SCAF4: variants seen among roughly 807,000 people sequenced by gnomAD.
SCAF4 encodes SR-related CTD associated factor 4, also known as SR-related and CTD-associated factor 4.
A neutral mutation model predicts 129.8 loss-of-function variants in SCAF4; 25 were observed. The observed-to-expected ratio is 0.19, with a 90% CI of 0.14 to 0.27. The LOEUF (loss-of-function observed/expected upper bound fraction) is 0.27, where lower values mean the gene tolerates loss of function less well. Ranked by LOEUF, SCAF4 falls within the 10% of genes least tolerant of loss-of-function variation. SCAF4 has a pLI of 1.00. For missense variants in SCAF4, 1,246 were observed against 1,457.1 expected (o/e 0.86, Z 2.36); for synonymous variants, 551 against 497.7 (o/e 1.11, Z -1.43).
chr21:31,682,249 C>A (rs908171529), intron 19 of SCAF4, among the ~76,000 whole-genome samples: 1 of 151,964 alleles, frequency 6.6e-6, no homozygotes, highest in South Asian at 2.1e-4. Context: ...CGTGGTGGCA[C>A]GCGCCTGTAG....
In SCAF4 at chr21:31,717,904, TACACACACACACACACACACAC is replaced by T. The variant is rs35191665; in HGVS notation, c.31-11569_31-11548del. Among the ~76,000 whole-genome samples, 24 of 117,994 alleles carry T rather than the reference TACACACACACACACACACACAC, an allele frequency of 2.0e-4. No individual in the cohort carries two copies. In the East Asian group the frequency reaches 5.3e-3, roughly 26 times the overall value. 77.4% of individuals were successfully genotyped at this position (117,994 alleles called of 152,430 possible). On this transcript the variant is annotated intron_variant, in intron 1 of 19. Transcript: ENST00000286835. ...ATATATACACATATATACACATATA[TACACACACACACACACACACAC>T]ACACACACACACACACACACATATA...
At position 31,695,105 on chromosome 21, in the gene SCAF4, A is replaced by G. The variant is rs1206637467; in HGVS notation, c.1069-125T>C. On this transcript the variant is annotated intron_variant, in intron 9 of 19. Coordinates refer to ENST00000286835, the MANE Select transcript of SCAF4 (RefSeq NM_020706.2). The stretch of plus-strand genomic sequence containing the variant: ...AGGAAAAGTTACAACGACATTCAAC[A>G]TTGTTTAACAATTTCCATATGTACA... The G allele has an allele frequency of 9.5e-6, 7 of 734,858 alleles. No individual in the cohort carries two copies. The East Asian group carries it at 1.4e-4, about 14-fold the overall frequency. 45.5% of individuals were successfully genotyped at this position (734,858 alleles called of 1,614,324 possible).
At chr21:31,718,675 G>A (rs1436924776) in intron 1 of SCAF4, among the ~76,000 whole-genome samples, 1 of 152,194 alleles carries the variant, frequency 6.6e-6, no homozygotes, top group Non-Finnish European at 1.5e-5. Context: ...TTGTTTGAAT[G>A]TAAACATTAC....
At chr21:31,719,422 G>A in intron 1 of SCAF4, among the ~76,000 whole-genome samples, 1 of 151,830 alleles carries the variant, frequency 6.6e-6, no homozygotes. Flanking sequence ...ATTTACTCCG[G>A]GCAGAACTAA....
At chr21:31,693,552 T>C (rs760770942) in intron 11 of SCAF4, 68 bp from the exon 12 acceptor site, 55 of 1,041,352 alleles carry the variant, frequency 5.3e-5, no homozygotes, top group Admixed American at 2.7e-4. Flanking sequence ...AAGCACATAC[T>C]AATTAAAACA....
At chr21:31,674,248 T>A (rs1290233076) in intron 19 of SCAF4, among the ~76,000 whole-genome samples, 1 of 151,590 alleles carries the variant, frequency 6.6e-6, no homozygotes, top group Non-Finnish European at 1.5e-5. Context: ...CAGCATTCAT[T>A]TGAGGGTATA....
chr21:31,704,695 AT>A (rs1229376564), intron 3 of SCAF4, among the ~76,000 whole-genome samples: 15 of 152,222 alleles, frequency 9.9e-5, no homozygotes, highest in Non-Finnish European at 1.8e-4. Context: ...GTACATGTAC[AT>A]AAAAAATAAA....
chr21:31,698,202 T>A (rs1415997706), intron 7 of SCAF4, among the ~76,000 whole-genome samples: 1 of 152,202 alleles, frequency 6.6e-6, no homozygotes, highest in Non-Finnish European at 1.5e-5. Flanking sequence ...AAAAGAAATT[T>A]TAGTTGCTTT....
intron 19 of SCAF4, among the ~76,000 whole-genome samples, chr21:31,683,453 C>G (rs2050042843): frequency 6.6e-6 from 1 of 152,196 alleles, no homozygotes; most frequent in African/African-American, 2.4e-5. Context: ...AAATCACAGG[C>G]AGGCTACTTA....
intron 7 of SCAF4, among the ~76,000 whole-genome samples, chr21:31,698,364 T>C (rs570749048): frequency 6.6e-6 from 1 of 152,296 alleles, no homozygotes; most frequent in South Asian, 2.1e-4. Context: ...CTAGAGGAAT[T>C]AGAATTCACA....
At chr21:31,694,318 A>G in intron 10 of SCAF4, 29 bp from the exon 11 acceptor site, 1 of 1,388,106 alleles carries the variant, frequency 7.2e-7, no homozygotes, top group Non-Finnish European at 1.0e-6. Context: ...TGATAAAATG[A>G]GAAATTTAAA....
Position 31,706,290 on chromosome 21 carries a change from G to T in SCAF4, c.98C>A (p.Ala33Asp). ...TATCATTACCTTAATAGCTTTAATA[G>T]CAGCTTTAGTGATGAGAATCATCTT... ...RAKMILITKAAIKAIKLYKHV... is the reference protein window; with the variant it reads ...RAKMILITKADIKAIKLYKHV... The change falls in exon 2 of 20, where the codon GCT becomes GAT. Residue 33 changes from alanine to aspartate, a missense_variant. Physicochemically the swap from Ala to Asp is moderately radical, Grantham distance 126. This residue lies in a region of SCAF4 where 56 missense variants were observed against 139.4 expected (regional missense o/e 0.40). Coordinates refer to ENST00000286835, the MANE Select transcript of SCAF4 (RefSeq NM_020706.2). 1 of 1,597,870 alleles carries T rather than the reference G, an allele frequency of 6.3e-7. No individual in the cohort carries two copies. Among genetic ancestry groups the T allele is most frequent in the Non-Finnish European group, 8.6e-7 (1 of 1,167,624 alleles).
intron 1 of SCAF4, among the ~76,000 whole-genome samples, chr21:31,716,998 TAACA>T (rs1346472140): frequency 2.6e-5 from 4 of 152,042 alleles, no homozygotes; most frequent in Admixed American, 1.3e-4. Context: ...AATATCTAAT[TAACA>T]AACACAGGAA....
In SCAF4 at chr21:31,703,825, T is replaced by A; in HGVS notation, c.261A>T (p.Arg87Ser). 6.3e-7 allele frequency: 1 copy of A among 1,597,044 alleles called. No homozygotes were observed. Among genetic ancestry groups the A allele is most frequent in the East Asian group, 2.2e-5 (1 of 44,720 alleles). The change falls in exon 4 of 20, where the codon AGA (arginine) becomes AGT (serine). Residue 87 changes from arginine to serine, a missense_variant. Around this residue, in one of 6 missense-constraint regions of SCAF4, gnomAD observed 56 missense variants for 139.4 expected, o/e 0.40. Coordinates refer to ENST00000286835, the MANE Select transcript of SCAF4 (RefSeq NM_020706.2). ...ATGTGGCAGTTATGTTTTTAGAGAA[T>A]CTTGGCCCAAAAACATCTTTATCAG... ...FGTDKDVFGP[R>S]FSKNITATFQ... is the part of the protein sequence containing the mutation.
At chr21:31,694,518 G>C (rs1236019812) in intron 10 of SCAF4, among the ~76,000 whole-genome samples, 1 of 152,050 alleles carries the variant, frequency 6.6e-6, no homozygotes, top group Non-Finnish European at 1.5e-5. Context: ...TCTACTTCTG[G>C]TAAAGTTACT....
intron 19 of SCAF4, among the ~76,000 whole-genome samples, chr21:31,677,203 C>T (rs1397833437): frequency 1.3e-5 from 2 of 152,032 alleles, no homozygotes; most frequent in South Asian, 2.1e-4. Flanking sequence ...TGTGACTGTC[C>T]GTGCTCCAAT....
Position 31,690,833 on chromosome 21 carries a change from C to T in SCAF4, c.1849G>A (p.Glu617Lys), listed in dbSNP as rs2050243260. The T allele has an allele frequency of 1.2e-6, 2 of 1,613,518 alleles. No individual in the cohort carries two copies. The highest frequency in any genetic ancestry group is 1.7e-5 in the Admixed American group (1 of 59,946). Residue 617 changes from glutamate (E) to lysine (K), a missense_variant, in exon 15 of 20, where the codon GAA becomes AAA. Physicochemically the swap from Glu to Lys is moderately conservative, Grantham distance 56. Coordinates refer to ENST00000286835, the MANE Select transcript of SCAF4 (RefSeq NM_020706.2). ...GTGTCACTGTCCAACATTCCTCCTT[C>T]ACAAAAACTCTCCAGTTCCTCAGGC... The part of the protein sequence containing the change: ...VKPEELESFC[E>K]GGMLDSDTLN...
intron 4 of SCAF4, 50 bp from the exon 5 acceptor site, chr21:31,702,429 C>G: frequency 6.6e-7 from 1 of 1,514,654 alleles, no homozygotes; most frequent in Non-Finnish European, 9.1e-7. Flanking sequence ...GCATAAATAA[C>G]CGATTATACT....
intron 1 of SCAF4, among the ~76,000 whole-genome samples, chr21:31,712,453 T>C (rs952673854): frequency 1.3e-5 from 2 of 151,730 alleles, no homozygotes; most frequent in African/African-American, 2.4e-5. Context: ...CCTGGCCTTG[T>C]GTGATCTGCC....
Sources: allele counts gnomAD v4.1 joint callset (sites outside exome capture counted in the v4.1 genomes callset), GRCh38; gene constraint gnomAD v4.1.1; regional missense constraint gnomAD v4.1.1; transcripts MANE v1.5; gene names NCBI Gene and HGNC (gene_info 2026-07-23, HGNC 2026-07-21).